The following DLGAP2 variants were observed in gnomAD, a reference collection of about 807,000 sequenced individuals.
DLGAP2 encodes the protein disks large-associated protein 2.
DLGAP2 carries 26 observed loss-of-function variants against 100.3 expected under a neutral mutation model. That is an observed-to-expected ratio of 0.26 (90% CI 0.19 to 0.36). The LOEUF (loss-of-function observed/expected upper bound fraction) is 0.36, where lower values mean the gene tolerates loss of function less well. Among genes scored for constraint, DLGAP2 ranks in the 10% least tolerant of loss-of-function variants. DLGAP2 has a pLI of 1.00. For missense variants in DLGAP2, 1,858 were observed against 1,453.2 expected (o/e 1.28, Z -4.53); for synonymous variants, 886 against 630.1 (o/e 1.41, Z -6.08).
At position 787,267 on chromosome 8, in the gene DLGAP2, C is replaced by G. The variant is rs114139172; in HGVS notation, c.18+49442C>G. Among the ~76,000 whole-genome samples, 711 of 152,178 alleles carry G rather than the reference C, an allele frequency of 4.7e-3. 4 individuals are homozygous for G. The highest frequency in any genetic ancestry group is 0.016 in the African/African-American group (675 of 41,564). ...CGAACGTTAGTAACTATGGCAGAGCCTGACGCGTCTGTTCTCTCACATTTG... is the reference window on the plus strand; with the variant it reads ...CGAACGTTAGTAACTATGGCAGAGCGTGACGCGTCTGTTCTCTCACATTTG... On this transcript the variant is annotated intron_variant, in intron 1 of 14. Transcript: ENST00000637795.
At chr8:1,006,718 C>T (rs569989273) in intron 2 of DLGAP2, among the ~76,000 whole-genome samples, 3 of 112,158 alleles carry the variant, frequency 2.7e-5, no homozygotes, top group South Asian at 7.4e-4. Flanking sequence ...TTTATCACAT[C>T]AGGGACACCG....
intron 3 of DLGAP2, among the ~76,000 whole-genome samples, chr8:1,428,886 A>G (rs963730783): frequency 7.2e-5 from 11 of 152,238 alleles, no homozygotes; most frequent in Non-Finnish European, 1.5e-4. Context: ...TCCCATGCAC[A>G]GGACGTCGTC....
intron 2 of DLGAP2, among the ~76,000 whole-genome samples, chr8:1,077,812 G>C (rs904107334): frequency 6.6e-6 from 1 of 152,188 alleles, no homozygotes; most frequent in Admixed American, 6.5e-5. Flanking sequence ...GAAGATGCTA[G>C]CTTCCTGTGT....
At chr8:1,460,768 A>C (rs1390034749) in intron 3 of DLGAP2, among the ~76,000 whole-genome samples, 1 of 152,182 alleles carries the variant, frequency 6.6e-6, no homozygotes, top group Non-Finnish European at 1.5e-5. Context: ...AAGAGTAAAG[A>C]ATGGTTTTTA....
At chr8:1,256,929 T>C (rs11989043) in intron 2 of DLGAP2, among the ~76,000 whole-genome samples, 15,953 of 152,080 alleles carry the variant, frequency 0.1, 2,221 homozygotes, top group African/African-American at 0.32. Context: ...TGGCCCCGTG[T>C]GTGGACCATG....
chr8:926,703 G>A (rs2129002476), intron 2 of DLGAP2, among the ~76,000 whole-genome samples: 1 of 152,364 alleles, frequency 6.6e-6, no homozygotes, highest in East Asian at 1.9e-4. Context: ...GGCCGCCGAG[G>A]GGCTGGCAGC....
chr8:1,503,598 G>T lies in DLGAP2; in HGVS notation c.172+2167G>T, dbSNP rs182767470. Among the ~76,000 whole-genome samples the T allele has an allele frequency of 7.2e-5, 11 of 151,796 alleles. No homozygotes were observed. In the East Asian group the frequency reaches 2.2e-3, roughly 30 times the overall value. On this transcript the variant is annotated intron_variant, in intron 4 of 14. Transcript: ENST00000637795. ...ACACGGAGTGCAGCTCTCTCTCCAC[G>T]TCACTGTTTTCGGTTCATTTGGGTA...
intron 2 of DLGAP2, among the ~76,000 whole-genome samples, chr8:1,097,285 C>G (rs369864435): frequency 0.024 from 1,163 of 48,382 alleles, 1 homozygote; most frequent in African/African-American, 0.075. Context: ...CAGGAGAGTC[C>G]AGCTGGGAGC....
At chr8:1,074,550 G>T (rs1803543346) in intron 2 of DLGAP2, among the ~76,000 whole-genome samples, 1 of 152,208 alleles carries the variant, frequency 6.6e-6, no homozygotes. Context: ...GGCTGCCCTG[G>T]CTCAGGGGCT....
At chr8:1,062,966 G>C (rs773110895) in intron 2 of DLGAP2, among the ~76,000 whole-genome samples, 11 of 152,112 alleles carry the variant, frequency 7.2e-5, no homozygotes, top group Non-Finnish European at 1.0e-4. Flanking sequence ...TGCAGCAGCC[G>C]GGCTGCTGGT....
At chr8:1,484,292 CAG>C (rs1230358404) in intron 3 of DLGAP2, among the ~76,000 whole-genome samples, 52 of 152,384 alleles carry the variant, frequency 3.4e-4, no homozygotes, top group Non-Finnish European at 6.3e-4. Flanking sequence ...CCTGGTCCAA[CAG>C]AGTCAATGGC....
chr8:1,668,016 T>C (rs1798588773), intron 8 of DLGAP2, among the ~76,000 whole-genome samples: 1 of 152,220 alleles, frequency 6.6e-6, no homozygotes, highest in Non-Finnish European at 1.5e-5. Flanking sequence ...GCACGTTGCC[T>C]AGCTGTGTCT....
At chr8:1,465,879 G>C (rs1798614364) in intron 3 of DLGAP2, among the ~76,000 whole-genome samples, 1 of 152,218 alleles carries the variant, frequency 6.6e-6, no homozygotes, top group South Asian at 2.1e-4. Context: ...AGAAAGGTGG[G>C]TCAGAGAATG....
chr8:1,219,380 A>G (rs1314849576), intron 2 of DLGAP2, among the ~76,000 whole-genome samples: 2 of 152,076 alleles, frequency 1.3e-5, no homozygotes, highest in African/African-American at 2.4e-5. Context: ...ATGATCATGT[A>G]GTTTTTATTT....
chr8:1,406,959 CTTG>C (rs1465418653), intron 3 of DLGAP2, among the ~76,000 whole-genome samples: 2 of 38,618 alleles, frequency 5.2e-5, no homozygotes, highest in African/African-American at 1.8e-4. Context: ...GCGCCACCTC[CTTG>C]TCCTCCGGAG....
chr8:1,286,152 G>A (rs902588780), intron 3 of DLGAP2, among the ~76,000 whole-genome samples: 1 of 152,210 alleles, frequency 6.6e-6, no homozygotes, highest in African/African-American at 2.4e-5. Context: ...TCTAGTGATA[G>A]TGAGTTCTCA....
At chr8:1,230,183 A>G (rs1321966716) in intron 2 of DLGAP2, among the ~76,000 whole-genome samples, 1 of 150,448 alleles carries the variant, frequency 6.6e-6, no homozygotes, top group African/African-American at 2.4e-5. Context: ...ATACAAAATC[A>G]ATGTACAAAA....
At chr8:1,440,727 G>A (rs1456972404) in intron 3 of DLGAP2, among the ~76,000 whole-genome samples, 1 of 152,212 alleles carries the variant, frequency 6.6e-6, no homozygotes, top group Non-Finnish European at 1.5e-5. Flanking sequence ...TTACAGAGAA[G>A]CAACCCCGAC....
At chr8:802,708 G>A (rs1796195746) in intron 1 of DLGAP2, among the ~76,000 whole-genome samples, 1 of 152,092 alleles carries the variant, frequency 6.6e-6, no homozygotes, top group Non-Finnish European at 1.5e-5. Flanking sequence ...TACTAGCAGA[G>A]ACAGGTTGCA....
Sources: gnomAD v4.1 joint callset for allele counts (sites outside exome capture counted in the v4.1 genomes callset) on GRCh38, gnomAD v4.1.1 for gene constraint, MANE v1.5 for transcripts, NCBI Gene and HGNC (gene_info 2026-07-23, HGNC 2026-07-21) for gene names.